The following KRTDAP variants were observed in gnomAD, a reference collection of about 807,000 sequenced individuals.
The protein encoded by KRTDAP is keratinocyte differentiation associated protein.
Under a neutral mutation model 18.6 loss-of-function variants are expected in KRTDAP, and 14 were observed. That is an observed-to-expected ratio of 0.75 (90% confidence interval 0.50 to 1.18). KRTDAP has a LOEUF of 1.18. Ranked by LOEUF, KRTDAP falls within the 50% of genes most tolerant of loss-of-function variation. The pLI is 0.00. For synonymous variants in KRTDAP, 53 were observed against 49.5 expected (o/e 1.07, Z -0.29); for missense variants, 114 against 121.3 (o/e 0.94, Z 0.28).
chr19:35,487,849 C>G (rs1453899833), intron 4 of KRTDAP, 90 bp from the exon 5 acceptor site: 12 of 789,136 alleles, frequency 1.5e-5, no homozygotes, highest in South Asian at 1.2e-4. Context: ...CCCACAGTAA[C>G]CATAGTAACA....
intron 1 of KRTDAP, among the ~76,000 whole-genome samples, chr19:35,489,320 G>T (rs547112287): frequency 1.3e-5 from 2 of 152,228 alleles, no homozygotes; most frequent in East Asian, 3.9e-4. Context: ...CCCCTCCATG[G>T]GGACCCCACC....
chr19:35,488,670 A>C lies in KRTDAP; in HGVS notation c.160T>G (p.Leu54Val). 4 of 1,614,128 alleles carry C rather than the reference A, an allele frequency of 2.5e-6. No homozygotes were observed. Among genetic ancestry groups the C allele is most frequent in the Non-Finnish European group, 3.4e-6 (4 of 1,180,010 alleles). The change falls in exon 3 of 6, where the codon TTG becomes GTG. Residue 54 changes from leucine (L) to valine (V), a missense_variant. Leu to Val is a conservative substitution (Grantham distance 32). Coordinates refer to ENST00000338897, the MANE Select transcript of KRTDAP (RefSeq NM_207392.3). ...CAGAGAAGCGTACTCACAGATCGCA[A>C]TTTGTCGATGTTCAGGAACGGGGTG... Reference protein sequence around the residue: ...FNTPFLNIDKLRSAFKADEFL... With the variant: ...FNTPFLNIDKVRSAFKADEFL...
chr19:35,490,447 T>C lies in KRTDAP; in HGVS notation c.-5A>G, dbSNP rs1478457509. On this transcript the variant is annotated 5_prime_UTR_variant, in exon 1 of 6. Transcript: ENST00000338897. ...AGGAAGGACCGGGATCTTCATGGCGTCAAGTTTGGGGTGCTCTGAGGCGGG... is the reference window on the plus strand; with the variant it reads ...AGGAAGGACCGGGATCTTCATGGCGCCAAGTTTGGGGTGCTCTGAGGCGGG... 2.5e-6 allele frequency: 4 copies of C among 1,608,580 alleles called. No individual in the cohort carries two copies.
chr19:35,488,805 G>A lies in KRTDAP; in HGVS notation c.123C>T (p.Pro41=), dbSNP rs1355068895. ...CCGGGGAAAACAGACGGCTTACCTC[G>A]GGTCGTGACGCATAATTCTCAATGG... ...ESTIENYASR[P]EAFNTPFLNI... is the part of the protein sequence containing the mutation. The change falls in exon 2 of 6, where the codon CCC becomes CCT. Residue 41 remains proline (P), a synonymous_variant. Transcript: ENST00000338897. 8.7e-6 allele frequency: 14 copies of A among 1,614,044 alleles called. No individual in the cohort carries two copies. The highest frequency in any genetic ancestry group is 8.3e-5 in the Admixed American group (5 of 59,998).
chr19:35,488,881 G>A (rs1555782176), intron 1 of KRTDAP, 41 bp from the exon 2 acceptor site: 1 of 1,598,512 alleles, frequency 6.3e-7, no homozygotes, highest in Non-Finnish European at 8.6e-7. Flanking sequence ...GGGGTCACGT[G>A]ATGCCAGGGC....
intron 1 of KRTDAP, 124 bp from the exon 2 acceptor site, chr19:35,488,964 C>T: frequency 1.2e-6 from 1 of 808,166 alleles, no homozygotes; most frequent in Non-Finnish European, 2.0e-6. Context: ...CAACCCATTC[C>T]CCACCATGGT....
rs780621881 is a variant in KRTDAP at position 35,488,667 on chromosome 19, G to C, written c.163C>G (p.Arg55Gly). 2 of 1,614,150 alleles carry C rather than the reference G, an allele frequency of 1.2e-6. No homozygotes were observed. Among genetic ancestry groups the C allele is most frequent in the Admixed American group, 3.3e-5 (2 of 60,020 alleles). Residue 55 changes from arginine to glycine, a missense_variant, in exon 3 of 6, where the codon CGA becomes GGA. Physicochemically the swap from Arg to Gly is moderately radical, Grantham distance 125. Transcript: ENST00000338897. Reference sequence around the variant, plus strand: ...CACCAGAGAAGCGTACTCACAGATCGCAATTTGTCGATGTTCAGGAACGGG... The same window carrying C: ...CACCAGAGAAGCGTACTCACAGATCCCAATTTGTCGATGTTCAGGAACGGG... ...NTPFLNIDKL[R>G]SAFKADEFLN...
chr19:35,489,348 C>A (rs1296736826), intron 1 of KRTDAP, among the ~76,000 whole-genome samples: 1 of 152,162 alleles, frequency 6.6e-6, no homozygotes, highest in South Asian at 2.1e-4. Context: ...TCAGTGTGTC[C>A]CATCGTGTCT....
At chr19:35,490,301 T>G in intron 1 of KRTDAP, 55 bp downstream of exon 1, 3 of 1,098,422 alleles carry the variant, frequency 2.7e-6, no homozygotes, top group South Asian at 1.5e-5. Flanking sequence ...GGTAGAGAGA[T>G]GGAGGGGTAG....
At position 35,490,405 on chromosome 19, in the gene KRTDAP, G is replaced by C; in HGVS notation, c.38C>G (p.Ser13Cys). 7.4e-6 allele frequency: 12 copies of C among 1,613,874 alleles called. No homozygotes were observed. Among genetic ancestry groups the C allele is most frequent in the Non-Finnish European group, 1.0e-5 (12 of 1,179,866 alleles). The change falls in exon 1 of 6, where the codon TCC becomes TGC. Residue 13 changes from serine (S) to cysteine (C), a missense_variant. By Grantham distance (112) the Ser-to-Cys change is moderately radical (BLOSUM62 -1). Coordinates refer to ENST00000338897, the MANE Select transcript of KRTDAP (RefSeq NM_207392.3). ...IPVLPAVVLL[S>C]LLVLHSAQGA... Reference sequence around the variant, plus strand: ...CTGGGCAGAGTGGAGCACCAGGAGGGAGAGGAGCACCACGGCAGGAAGGAC... The same window carrying C: ...CTGGGCAGAGTGGAGCACCAGGAGGCAGAGGAGCACCACGGCAGGAAGGAC...
rs747520604 is a variant in KRTDAP, at chr19:35,487,469, A to G, written c.262-3T>C. On this transcript the variant is annotated splice_region_variant and splice_polypyrimidine_tract_variant and intron_variant, in intron 5 of 5. Coordinates refer to ENST00000338897, the MANE Select transcript of KRTDAP (RefSeq NM_207392.3). ...GTTGCGCTCCTCAGTCCTTTCAGCT[A>G]GAGGGAGAGGGGTCAGGGTTAGATG... 3.1e-6 allele frequency: 5 copies of G among 1,613,830 alleles called. No individual in the cohort carries two copies. In the South Asian group the frequency reaches 3.3e-5, roughly 11 times the overall value.
Position 35,490,371 on chromosome 19 carries a change from G to A in KRTDAP, c.72C>T (p.Thr24=), listed in dbSNP as rs541789841. 1 of 1,611,996 alleles carries A rather than the reference G, an allele frequency of 6.2e-7. No homozygotes were observed. The highest frequency in any genetic ancestry group is 8.5e-7 in the Non-Finnish European group (1 of 1,178,764). ...ACGTGCTCACCTCAGGACCACCCAG[G>A]GTGGCTCCCTGGGCAGAGTGGAGCA... is the stretch of plus-strand genomic sequence containing the variant. ...LLVLHSAQGA[T]LGGPEEESTI... The change falls in exon 1 of 6, where the codon ACC becomes ACT. Residue 24 remains threonine (T), a synonymous_variant. Transcript: ENST00000338897.
intron 1 of KRTDAP, among the ~76,000 whole-genome samples, chr19:35,489,879 A>C (rs1238843450): frequency 6.6e-6 from 1 of 152,146 alleles, no homozygotes; most frequent in African/African-American, 2.4e-5. Context: ...CTTTGAGTTA[A>C]GTCAGCTGCA....
At position 35,487,502 on chromosome 19, in the gene KRTDAP, C is replaced by A. The variant is rs376110913; in HGVS notation, c.262-36G>T. On this transcript the variant is annotated intron_variant, in intron 5 of 5. Coordinates refer to ENST00000338897, the MANE Select transcript of KRTDAP (RefSeq NM_207392.3). ...AGGGGTCAGGGTTAGATGGGGAACC[C>A]GTGGGTGCCCAGTATAGGATGGCAT... 12 of 1,578,554 alleles carry A rather than the reference C, an allele frequency of 7.6e-6. No homozygotes were observed. In the African/African-American group the frequency reaches 1.6e-4, roughly 21 times the overall value.
Position 35,489,638 on chromosome 19 carries a change from C to T in KRTDAP, c.87+718G>A, listed in dbSNP as rs190771683. 1.3e-3 allele frequency among the ~76,000 whole-genome samples: 195 copies of T among 152,284 alleles called. 1 individual carries two copies. The highest frequency in any genetic ancestry group is 4.6e-3 in the African/African-American group (190 of 41,560). ...CAGCCCCCCCAGCTCAGTGACACCA[C>T]TGGCTTGGTCCTTAGCAGCTGAGCC... On this transcript the variant is annotated intron_variant, in intron 1 of 5. Transcript: ENST00000338897.
intron 3 of KRTDAP, 74 bp downstream of exon 3, chr19:35,488,588 A>T: frequency 6.2e-7 from 1 of 1,609,496 alleles, no homozygotes; most frequent in South Asian, 1.1e-5. Context: ...CAGCTTTGCA[A>T]GCTCTCTACC....
chr19:35,487,566 T>C (rs2067498089), intron 5 of KRTDAP, 100 bp from the exon 6 acceptor site: 3 of 1,221,022 alleles, frequency 2.5e-6, no homozygotes, highest in African/African-American at 1.5e-5. Flanking sequence ...GAGTTCCCGT[T>C]CTCCTCTATA....
intron 3 of KRTDAP, 81 bp downstream of exon 3, chr19:35,488,581 C>T: frequency 6.2e-7 from 1 of 1,608,962 alleles, no homozygotes; most frequent in Non-Finnish European, 8.5e-7. Flanking sequence ...ACCGTGGCAG[C>T]TTTGCAAGCT....
intron 3 of KRTDAP, 28 bp from the exon 4 acceptor site, chr19:35,488,513 A>C: frequency 6.2e-7 from 1 of 1,613,654 alleles, no homozygotes; most frequent in South Asian, 1.1e-5. Flanking sequence ...CAGCAGAAGC[A>C]GGTCAGCTCC....
Sources: allele counts gnomAD v4.1 joint callset (sites outside exome capture counted in the v4.1 genomes callset), GRCh38; gene constraint gnomAD v4.1.1; transcripts MANE v1.5; gene names NCBI Gene and HGNC (gene_info 2026-07-23, HGNC 2026-07-21).